KLHL32: variants seen among roughly 807,000 people sequenced by gnomAD.
The protein encoded by KLHL32 is kelch like family member 32.
In KLHL32, 35 loss-of-function variants were observed where a neutral mutation model predicts 64.8. The observed-to-expected ratio is 0.54, with a 90% CI of 0.41 to 0.72. The LOEUF is 0.72. Among genes scored for constraint, KLHL32 ranks in the 30% least tolerant of loss-of-function variants. KLHL32 has a pLI of 0.00. For missense variants in KLHL32, 589 were observed against 768.5 expected (o/e 0.77, Z 2.76); for synonymous variants, 259 against 281.0 (o/e 0.92, Z 0.78).
At chr6:96,911,704 A>AAATCCAAT in the KLHL32 span, among the ~76,000 whole-genome samples, 1 of 152,172 alleles carries the variant, frequency 6.6e-6, no homozygotes, top group East Asian at 1.9e-4. Context: ...TCAAACTGCT[A>AAATCCAAT]AATCCAATAA....
At chr6:96,916,756 T>C in the KLHL32 span, among the ~76,000 whole-genome samples, 3 of 152,176 alleles carry the variant, frequency 2.0e-5, no homozygotes, top group African/African-American at 4.8e-5. Context: ...AGAAGAAATA[T>C]TTCTTTCCTC....
At position 97,113,994 on chromosome 6, in the gene KLHL32, G is replaced by A. The variant is rs753639648; in HGVS notation, c.839G>A (p.Arg280His). The change falls in exon 7 of 11, where the codon CGC becomes CAC. Residue 280 changes from arginine to histidine, a missense_variant. Physicochemically the swap from Arg to His is conservative, Grantham distance 29. Transcript: ENST00000369261. ...TATGCACAGCCTGTCTGGCAGACTC[G>A]CAGGACCAAACCACGATTCCAGTCA... is the stretch of plus-strand genomic sequence containing the variant. ...SIYAQPVWQT[R>H]RTKPRFQSDT... 30 of 1,614,076 alleles carry A rather than the reference G, an allele frequency of 1.9e-5. No individual in the cohort carries two copies. The South Asian group carries it at 2.9e-4, about 15-fold the overall frequency.
chr6:97,017,727 A>G (rs1781415846), intron 3 of KLHL32, among the ~76,000 whole-genome samples: 1 of 151,898 alleles, frequency 6.6e-6, no homozygotes, highest in Non-Finnish European at 1.5e-5. Context: ...TTCCAGTCCC[A>G]CTTGTATCTA....
chr6:97,033,321 C>A (rs1440175457), intron 3 of KLHL32, among the ~76,000 whole-genome samples: 1 of 152,104 alleles, frequency 6.6e-6, no homozygotes, highest in African/African-American at 2.4e-5. Flanking sequence ...TAATGTCGTC[C>A]AAGTTCATCC....
intron 7 of KLHL32, among the ~76,000 whole-genome samples, chr6:97,115,729 A>G (rs1797742027): frequency 6.6e-6 from 1 of 152,166 alleles, no homozygotes; most frequent in South Asian, 2.1e-4. Flanking sequence ...AGAAAGCTGC[A>G]TTTTCTCCCA....
chr6:97,011,056 T>C (rs1371868510), intron 3 of KLHL32, among the ~76,000 whole-genome samples: 2 of 152,180 alleles, frequency 1.3e-5, no homozygotes, highest in Non-Finnish European at 2.9e-5. Context: ...AGCTTCCCAG[T>C]GGACCATTAT....
Position 97,058,836 on chromosome 6 carries a change from C to CT in KLHL32, c.313-5791dup, listed in dbSNP as rs1474102594. On this transcript the variant is annotated intron_variant, in intron 4 of 10. Transcript: ENST00000369261. The stretch of plus-strand genomic sequence containing the variant: ...AAATACAAGGAGGCTGGTTGCCACT[C>CT]TAAGTGGCCTAATCCAAATGTTATT... Among the ~76,000 whole-genome samples, 3 of 132,574 alleles carry CT rather than the reference C, an allele frequency of 2.3e-5. No individual in the cohort carries two copies. The Admixed American group carries it at 3.1e-4, about 14-fold the overall frequency. The allele number at this position is 132,574 out of a possible 152,430, so 87.0% of individuals were successfully genotyped here. A position where few individuals can be genotyped will look rare whatever the true frequency, so the allele number is the denominator to read the frequency against.
chr6:97,118,389 C>A (rs558209145), intron 7 of KLHL32, among the ~76,000 whole-genome samples: 1 of 152,104 alleles, frequency 6.6e-6, no homozygotes, highest in Non-Finnish European at 1.5e-5. Context: ...GAGGCCGAGG[C>A]GGGCGGATCG....
chr6:97,067,868 C>T (rs1037016950), intron 5 of KLHL32, among the ~76,000 whole-genome samples: 4 of 152,164 alleles, frequency 2.6e-5, no homozygotes, highest in Non-Finnish European at 4.4e-5. Flanking sequence ...CTGCTTTGTT[C>T]TGGGCCCTAA....
intron 3 of KLHL32, among the ~76,000 whole-genome samples, chr6:96,987,095 T>G (rs1483300872): frequency 6.6e-6 from 1 of 152,206 alleles, no homozygotes; most frequent in Admixed American, 6.5e-5. Context: ...TTCATTCTTC[T>G]CTCTTTTCTT....
chr6:97,119,534 T>C (rs1261977742), intron 7 of KLHL32, among the ~76,000 whole-genome samples: 3 of 152,158 alleles, frequency 2.0e-5, no homozygotes, highest in Non-Finnish European at 4.4e-5. Context: ...TGAAAGCAGT[T>C]TCAGGAAATT....
intron 2 of KLHL32, among the ~76,000 whole-genome samples, chr6:96,975,664 C>T (rs1398581315): frequency 6.6e-6 from 1 of 152,136 alleles, no homozygotes; most frequent in African/African-American, 2.4e-5. Flanking sequence ...CAGAGATGTT[C>T]ACACACTGAA....
At chr6:97,133,891 T>A (rs1454223471) in intron 10 of KLHL32, among the ~76,000 whole-genome samples, 1 of 152,114 alleles carries the variant, frequency 6.6e-6, no homozygotes, top group Admixed American at 6.6e-5. Context: ...CATGGAACAT[T>A]TACAAAAACC....
At chr6:97,043,978 T>C (rs1302998910) in intron 4 of KLHL32, among the ~76,000 whole-genome samples, 5 of 151,600 alleles carry the variant, frequency 3.3e-5, no homozygotes, top group Admixed American at 6.6e-5. Context: ...TTCTCAGTTG[T>C]ATTTTTTTTT....
chr6:96,986,286 G>C (rs1017759391), intron 3 of KLHL32, among the ~76,000 whole-genome samples: 2 of 152,100 alleles, frequency 1.3e-5, no homozygotes, highest in Admixed American at 1.3e-4. Flanking sequence ...GCCCCTAATG[G>C]GGGGGGCCTC....
chr6:96,955,500 A>G (rs559802300), intron 1 of KLHL32, among the ~76,000 whole-genome samples: 4 of 152,322 alleles, frequency 2.6e-5, no homozygotes, highest in African/African-American at 9.6e-5. Flanking sequence ...CTCAAGAGAA[A>G]GATGAAAAAA....
chr6:96,992,693 A>G (rs1280885250), intron 3 of KLHL32, among the ~76,000 whole-genome samples: 1 of 152,232 alleles, frequency 6.6e-6, no homozygotes, highest in Non-Finnish European at 1.5e-5. Flanking sequence ...CTCTTCCACC[A>G]CAATGCCCCT....
rs186569163 is a variant in KLHL32, at chr6:97,121,650, T to G, written c.1355-5754T>G. ...GTAAAGTTTTGTTTTGTTTTGTTTT[T>G]TTTAATGTCCAAATCGTTGGCTACA... On this transcript the variant is annotated intron_variant, in intron 7 of 10. Transcript: ENST00000369261. Among the ~76,000 whole-genome samples, 107 of 152,292 alleles carry G rather than the reference T, an allele frequency of 7.0e-4. 1 individual carries two copies. The highest frequency in any genetic ancestry group is 2.4e-3 in the African/African-American group (101 of 41,570).
intron 3 of KLHL32, among the ~76,000 whole-genome samples, chr6:96,977,774 T>A (rs921944007): frequency 2.6e-5 from 4 of 152,184 alleles, no homozygotes; most frequent in African/African-American, 7.2e-5. Context: ...CAGCCTTTTT[T>A]AAAAAGCGTA....
Sources: gnomAD v4.1 joint callset for allele counts (sites outside exome capture counted in the v4.1 genomes callset) on GRCh38, gnomAD v4.1.1 for gene constraint, MANE v1.5 for transcripts, NCBI Gene and HGNC (gene_info 2026-07-23, HGNC 2026-07-21) for gene names.